Variants in KCNG3 observed in about 807,000 individuals in gnomAD.
The protein encoded by KCNG3 is voltage-gated potassium channel regulatory subunit KCNG3.
Under a neutral mutation model 29.0 loss-of-function variants are expected in KCNG3, and 15 were observed. That is an observed-to-expected ratio of 0.52 (90% CI 0.35 to 0.80). KCNG3 has a LOEUF of 0.80. KCNG3 is among the 30% of genes least tolerant of loss of function. KCNG3 has a pLI of 0.01. For missense variants in KCNG3, 512 were observed against 605.7 expected (o/e 0.85, Z 1.62); for synonymous variants, 322 against 248.9 (o/e 1.29, Z -2.76).
the KCNG3 span, among the ~76,000 whole-genome samples, chr2:42,431,919 A>G: frequency 6.6e-6 from 1 of 151,952 alleles, no homozygotes; most frequent in Non-Finnish European, 1.5e-5. Context: ...CATGCCTGTA[A>G]TCCCAGCTAC....
At chr2:42,397,961 C>A in the KCNG3 span, among the ~76,000 whole-genome samples, 1 of 152,126 alleles carries the variant, frequency 6.6e-6, no homozygotes. Context: ...CGGTGGCTCA[C>A]GCCTGTAATC....
At chr2:42,424,162 AC>A in the KCNG3 span, among the ~76,000 whole-genome samples, 1 of 152,174 alleles carries the variant, frequency 6.6e-6, no homozygotes, top group Non-Finnish European at 1.5e-5. Flanking sequence ...CAGAAGGACC[AC>A]CCACACACCA....
chr2:42,459,869 G>C (rs527823082), intron 1 of KCNG3, among the ~76,000 whole-genome samples: 1 of 151,916 alleles, frequency 6.6e-6, no homozygotes, highest in Non-Finnish European at 1.5e-5. Flanking sequence ...CTAGCTACTC[G>C]GGAGGCTGAG....
intron 1 of KCNG3, among the ~76,000 whole-genome samples, chr2:42,459,166 A>C (rs1672951525): frequency 6.6e-6 from 1 of 151,142 alleles, no homozygotes; most frequent in Admixed American, 6.6e-5. Flanking sequence ...ACTGCACTCC[A>C]GACTGGGCAA....
chr2:42,444,666 C>G lies in KCNG3; in HGVS notation c.666-87G>C. On this transcript the variant is annotated intron_variant, in intron 1 of 1. Coordinates refer to ENST00000306078, the MANE Select transcript of KCNG3 (RefSeq NM_133329.6). This position sits in a 1 kb window ranked among gnomAD's most constrained non-coding sequence, Gnocchi z 5.8. The stretch of plus-strand genomic sequence containing the variant: ...ATTTCTTCAGATAGTACTACACTGA[C>G]ATACTAATTCAGTTACTTTTCCAGA... 8.6e-7 allele frequency: 1 copy of G among 1,159,524 alleles called. No homozygotes were observed. Among genetic ancestry groups the G allele is most frequent in the Non-Finnish European group, 1.2e-6 (1 of 816,342 alleles). The allele number at this position is 1,159,524 out of a possible 1,614,324, so 71.8% of individuals were successfully genotyped here.
chr2:42,488,456 C>G (rs1372538439), intron 1 of KCNG3, among the ~76,000 whole-genome samples: 1 of 152,118 alleles, frequency 6.6e-6, no homozygotes, highest in African/African-American at 2.4e-5. Flanking sequence ...TTCACTGCAG[C>G]CTTCAACTCC....
intron 1 of KCNG3, among the ~76,000 whole-genome samples, chr2:42,487,072 G>A (rs552052897): frequency 2.7e-4 from 40 of 149,092 alleles, no homozygotes; most frequent in African/African-American, 8.4e-4. Flanking sequence ...CAGAAGAATC[G>A]CTTGAACCCA....
Position 42,493,518 on chromosome 2 carries a change from G to A in KCNG3, c.-17C>T, listed in dbSNP as rs542096378. On this transcript the variant is annotated 5_prime_UTR_variant, in exon 1 of 2. Coordinates refer to ENST00000306078, the MANE Select transcript of KCNG3 (RefSeq NM_133329.6). ...GAAGGTCATGGCTGGCCGCCCGGGG[G>A]ACTTTCGGCCCGAGGGCCCCGCTGC... 3.7e-6 allele frequency: 5 copies of A among 1,352,408 alleles called. No homozygotes were observed. The highest frequency in any genetic ancestry group is 3.8e-5 in the Admixed American group (1 of 26,330). The allele number at this position is 1,352,408 out of a possible 1,614,324, so 83.8% of individuals were successfully genotyped here.
intron 1 of KCNG3, among the ~76,000 whole-genome samples, chr2:42,445,190 G>C (rs572861039): frequency 6.6e-6 from 1 of 151,184 alleles, no homozygotes; most frequent in South Asian, 2.1e-4. Context: ...CTCTTATTTG[G>C]TAGTTTGAAA....
intron 1 of KCNG3, among the ~76,000 whole-genome samples, chr2:42,451,713 A>T (rs1572844117): frequency 6.6e-6 from 1 of 152,022 alleles, no homozygotes. Flanking sequence ...GCGACAGAGC[A>T]AGACTTTGTC....
intron 1 of KCNG3, among the ~76,000 whole-genome samples, chr2:42,483,144 G>A (rs1572864591): frequency 6.6e-6 from 1 of 152,002 alleles, no homozygotes; most frequent in Admixed American, 6.6e-5. Context: ...TAAAAAAACA[G>A]CTGTTCTATT....
the KCNG3 span, among the ~76,000 whole-genome samples, chr2:42,421,029 G>C: frequency 6.6e-6 from 1 of 152,216 alleles, no homozygotes; most frequent in African/African-American, 2.4e-5. Context: ...ACCATAAAAC[G>C]CTACCACACA....
intron 1 of KCNG3, among the ~76,000 whole-genome samples, chr2:42,462,772 G>A (rs1673049673): frequency 1.3e-5 from 2 of 152,164 alleles, no homozygotes; most frequent in South Asian, 2.1e-4. Context: ...ATCAACTGGG[G>A]TTAGGAAACC....
chr2:42,413,370 A>G, the KCNG3 span, among the ~76,000 whole-genome samples: 1 of 152,190 alleles, frequency 6.6e-6, no homozygotes, highest in Non-Finnish European at 1.5e-5. Context: ...ATATACTAAT[A>G]GTGATCACAG....
the KCNG3 span, among the ~76,000 whole-genome samples, chr2:42,408,316 G>A: frequency 8.5e-5 from 13 of 152,286 alleles, no homozygotes; most frequent in African/African-American, 1.7e-4. Context: ...TGCCTGTCCC[G>A]CAGACCAGAA....
chr2:42,483,649 T>C (rs1673646301), intron 1 of KCNG3, among the ~76,000 whole-genome samples: 1 of 152,204 alleles, frequency 6.6e-6, no homozygotes, highest in South Asian at 2.1e-4. Context: ...CAGTATTCAA[T>C]AAATATTAAC....
At chr2:42,422,502 C>A in the KCNG3 span, among the ~76,000 whole-genome samples, 1 of 152,098 alleles carries the variant, frequency 6.6e-6, no homozygotes, top group African/African-American at 2.4e-5. Flanking sequence ...AACTAAGACA[C>A]TGACAATACT....
At chr2:42,432,470 G>A in the KCNG3 span, among the ~76,000 whole-genome samples, 3 of 152,166 alleles carry the variant, frequency 2.0e-5, no homozygotes, top group East Asian at 3.9e-4. Flanking sequence ...ATAGGTAAAG[G>A]AAGAGAACTG....
the KCNG3 span, among the ~76,000 whole-genome samples, chr2:42,429,265 A>G: frequency 6.6e-6 from 1 of 152,226 alleles, no homozygotes; most frequent in African/African-American, 2.4e-5. Flanking sequence ...CTTTAAGTGT[A>G]GATACCAAGG....
Sources: gnomAD v4.1 joint callset for allele counts (sites outside exome capture counted in the v4.1 genomes callset) on GRCh38, gnomAD v4.1.1 for gene constraint, Gnocchi (gnomAD v3.1) non-coding constraint, MANE v1.5 for transcripts, NCBI Gene and HGNC (gene_info 2026-07-23, HGNC 2026-07-21) for gene names.